DDAH1: variants seen among roughly 807,000 people sequenced by gnomAD.
The protein encoded by DDAH1 is N(G),N(G)-dimethylarginine dimethylaminohydrolase 1.
DDAH1 carries 19 observed loss-of-function variants against 28.8 expected under a neutral mutation model. The ratio of observed to expected loss-of-function variants is 0.66; its 90% CI spans 0.46 to 0.97. The LOEUF (loss-of-function observed/expected upper bound fraction) is 0.97. DDAH1 is among the 50% of genes least tolerant of loss of function. DDAH1 has a pLI of 0.00. For missense variants in DDAH1, 326 were observed against 375.9 expected (o/e 0.87, Z 1.10); for synonymous variants, 153 against 154.4 (o/e 0.99, Z 0.07).
chr1:85,421,660 T>TG (rs1216042834), intron 1 of DDAH1, among the ~76,000 whole-genome samples: 1 of 152,224 alleles, frequency 6.6e-6, no homozygotes, highest in Non-Finnish European at 1.5e-5. Flanking sequence ...TAAAGTTTTG[T>TG]CTTTTCTAGA....
At chr1:85,441,865 G>A (rs1054778762) in intron 1 of DDAH1, among the ~76,000 whole-genome samples, 24 of 152,198 alleles carry the variant, frequency 1.6e-4, no homozygotes, top group African/African-American at 4.6e-4. Context: ...CAGAAATTCC[G>A]AAAGAATAGT....
intron 1 of DDAH1, among the ~76,000 whole-genome samples, chr1:85,452,667 A>T (rs1654717918): frequency 6.6e-6 from 1 of 152,148 alleles, no homozygotes; most frequent in Non-Finnish European, 1.5e-5. Flanking sequence ...GAGCTCCCCT[A>T]AAAAAGGAAG....
At chr1:85,346,884 T>C (rs777269369) in intron 4 of DDAH1, among the ~76,000 whole-genome samples, 4 of 151,944 alleles carry the variant, frequency 2.6e-5, no homozygotes, top group Non-Finnish European at 5.9e-5. Flanking sequence ...AGGGTTAATA[T>C]CCAGAATCTA....
intron 4 of DDAH1, among the ~76,000 whole-genome samples, chr1:85,342,520 G>T (rs1648568059): frequency 6.6e-6 from 1 of 152,016 alleles, no homozygotes; most frequent in South Asian, 2.1e-4. Context: ...AGGAATTTTA[G>T]CATGTCAAAT....
At chr1:85,459,147 A>G (rs1655023267) in intron 1 of DDAH1, among the ~76,000 whole-genome samples, 12 of 152,256 alleles carry the variant, frequency 7.9e-5, no homozygotes, top group Admixed American at 7.2e-4. Context: ...TTTGTGGTTT[A>G]TATTAATGGA....
chr1:85,425,758 G>A (rs1320770641), intron 1 of DDAH1, among the ~76,000 whole-genome samples: 1 of 152,124 alleles, frequency 6.6e-6, no homozygotes, highest in Admixed American at 6.5e-5. Context: ...AGGATAGCTT[G>A]TGGTCTTAAA....
Position 85,378,788 on chromosome 1 carries a change from A to G in DDAH1, c.304-19941T>C, listed in dbSNP as rs753450377. Among the ~76,000 whole-genome samples the G allele has an allele frequency of 4.6e-5, 7 of 152,230 alleles. 1 individual carries two copies. Among genetic ancestry groups the G allele is most frequent in the Non-Finnish European group, 1.0e-4 (7 of 68,034 alleles). ...ATTCTTGCAAATGAAGTAAGCATCC[A>G]GACAGCTGTTTTGTGACATCACTAA... On this transcript the variant is annotated intron_variant, in intron 1 of 5. Coordinates refer to ENST00000284031, the MANE Select transcript of DDAH1 (RefSeq NM_012137.4).
chr1:85,396,705 C>T (rs180847244), intron 1 of DDAH1, among the ~76,000 whole-genome samples: 13 of 151,946 alleles, frequency 8.6e-5, no homozygotes, highest in East Asian at 1.9e-4. Context: ...AACGTTTAAC[C>T]GTCTTTTCCT....
intron 1 of DDAH1, among the ~76,000 whole-genome samples, chr1:85,505,047 G>A (rs1013466962): frequency 4.8e-5 from 6 of 124,944 alleles, no homozygotes; most frequent in Non-Finnish European, 7.9e-5. Context: ...GTGCAATGGC[G>A]TGATCTCGGC....
At chr1:85,344,150 C>T (rs989969299) in intron 4 of DDAH1, among the ~76,000 whole-genome samples, 9 of 152,090 alleles carry the variant, frequency 5.9e-5, no homozygotes, top group African/African-American at 2.2e-4. Context: ...GACAAAGGCA[C>T]AAAAAATGGA....
At chr1:85,378,850 C>A (rs1650820333) in intron 1 of DDAH1, among the ~76,000 whole-genome samples, 1 of 152,198 alleles carries the variant, frequency 6.6e-6, no homozygotes, top group Admixed American at 6.5e-5. Flanking sequence ...AGACACTGTA[C>A]ATTTATCTGA....
At position 85,350,901 on chromosome 1, in the gene DDAH1, C is replaced by CAATCT. The variant is rs1649163910; in HGVS notation, c.478-372_478-368dup. 2.0e-5 allele frequency among the ~76,000 whole-genome samples: 3 copies of CAATCT among 152,026 alleles called. No homozygotes were observed. The South Asian group carries it at 6.2e-4, about 32-fold the overall frequency. ...TCCCTTCCTATGCAGTGTAGAGAGC[C>CAATCT]AATCTATTAATAATCAATAGAGTAA... On this transcript the variant is annotated intron_variant, in intron 3 of 5. Coordinates refer to ENST00000284031, the MANE Select transcript of DDAH1 (RefSeq NM_012137.4).
At chr1:85,572,310 T>C (rs1174403193) in intron 1 of DDAH1, among the ~76,000 whole-genome samples, 1 of 152,120 alleles carries the variant, frequency 6.6e-6, no homozygotes, top group Non-Finnish European at 1.5e-5. Flanking sequence ...TAGAACAATA[T>C]TTAAGTGACA....
At chr1:85,536,979 A>ATATATATG (rs1658305940) in intron 1 of DDAH1, among the ~76,000 whole-genome samples, 1 of 39,646 alleles carries the variant, frequency 2.5e-5, no homozygotes, top group Non-Finnish European at 4.9e-5. Context: ...ATATATATAT[A>ATATATATG]TATATACGTA....
At position 85,526,212 on chromosome 1, in the gene DDAH1, A is replaced by G. The variant is rs574020905; in HGVS notation, c.-122-29931T>C. Reference sequence around the variant, plus strand: ...TTCAGCAACACTTTCAGTGAGCCCCAGCTCATGGAAAGAGAGACGAGGAGA... The same window carrying G: ...TTCAGCAACACTTTCAGTGAGCCCCGGCTCATGGAAAGAGAGACGAGGAGA... On this transcript the variant is annotated intron_variant, in intron 1 of 6. Transcript: ENST00000426972. 2.0e-5 allele frequency among the ~76,000 whole-genome samples: 3 copies of G among 152,350 alleles called. No homozygotes were observed. The South Asian group carries it at 6.2e-4, about 32-fold the overall frequency.
chr1:85,334,238 C>T (rs1647965751), intron 4 of DDAH1, among the ~76,000 whole-genome samples: 1 of 152,322 alleles, frequency 6.6e-6, no homozygotes, highest in South Asian at 2.1e-4. Context: ...TTCCCCTTTG[C>T]CTTCCACCAT....
intron 1 of DDAH1, chr1:85,448,057 T>C (rs631817): frequency 0.83 from 126,166 of 152,248 alleles, 52,418 homozygotes; most frequent in Middle Eastern, 0.91. Context: ...CCATGGCCCA[T>C]GGGCCACATG....
chr1:85,536,967 AT>A (rs1658300840), intron 1 of DDAH1, among the ~76,000 whole-genome samples: 1 of 80,252 alleles, frequency 1.2e-5, no homozygotes. Flanking sequence ...ATATATATAT[AT>A]ATATATATAT....
chr1:85,456,401 T>C (rs1000357175), intron 1 of DDAH1, among the ~76,000 whole-genome samples: 1 of 152,250 alleles, frequency 6.6e-6, no homozygotes, highest in South Asian at 2.1e-4. Flanking sequence ...GGTTCAACTT[T>C]CAATTTTTTG....
Sources: gnomAD v4.1 joint callset for allele counts (sites outside exome capture counted in the v4.1 genomes callset) on GRCh38, gnomAD v4.1.1 for gene constraint, MANE v1.5 for transcripts, NCBI Gene and HGNC (gene_info 2026-07-23, HGNC 2026-07-21) for gene names.